The following FRAS1 variants were observed in gnomAD, a reference collection of about 807,000 sequenced individuals.
FRAS1 encodes Fraser extracellular matrix complex subunit 1.
Under a neutral mutation model 435.2 loss-of-function variants are expected in FRAS1, and 290 were observed. The ratio of observed to expected loss-of-function variants is 0.67; its 90% CI spans 0.61 to 0.73. FRAS1 has a LOEUF of 0.73. Ranked by LOEUF, FRAS1 falls within the 30% of genes least tolerant of loss-of-function variation. FRAS1 has a pLI of 0.00. For missense variants in FRAS1, 4,860 were observed against 5,001.5 expected (o/e 0.97, Z 0.85); for synonymous variants, 1,800 against 1,851.0 (o/e 0.97, Z 0.71).
chr4:78,095,701 TA>T (rs1201137867), intron 2 of FRAS1, among the ~76,000 whole-genome samples: 5 of 152,236 alleles, frequency 3.3e-5, no homozygotes, highest in Non-Finnish European at 7.3e-5. Context: ...CTCCCGTTTA[TA>T]AAACCCTCAG....
intron 33 of FRAS1, 48 bp downstream of exon 33, chr4:78,419,111 G>GT: frequency 9.3e-6 from 10 of 1,078,134 alleles, no homozygotes; most frequent in East Asian, 2.7e-5. Context: ...TTATCTTCTA[G>GT]TTTTTTACCA....
At chr4:78,507,675 A>G in intron 62 of FRAS1, 67 bp downstream of exon 62, 4 of 1,429,252 alleles carry the variant, frequency 2.8e-6, no homozygotes, top group Non-Finnish European at 3.8e-6. Context: ...AACTGAAGGG[A>G]AGTACTCTAT....
At chr4:78,469,785 T>G (rs1053364983) in intron 50 of FRAS1, among the ~76,000 whole-genome samples, 193 bp from the exon 51 acceptor site, 1 of 152,202 alleles carries the variant, frequency 6.6e-6, no homozygotes, top group African/African-American at 2.4e-5. Flanking sequence ...TCCTACATTG[T>G]TCTCACTCTA....
At chr4:78,532,896 T>C (rs926255990) in intron 70 of FRAS1, among the ~76,000 whole-genome samples, 8 of 152,196 alleles carry the variant, frequency 5.3e-5, no homozygotes, top group Admixed American at 5.2e-4. Flanking sequence ...TGATGGACAC[T>C]GGTTGTTTAC....
intron 2 of FRAS1, among the ~76,000 whole-genome samples, chr4:78,130,591 A>G (rs1025027955): frequency 1.1e-4 from 16 of 152,216 alleles, no homozygotes; most frequent in African/African-American, 3.6e-4. Context: ...GTTCAACTTA[A>G]TATTCAATTA....
Position 78,337,871 on chromosome 4 carries a change from C to T in FRAS1, c.2422+54C>T, listed in dbSNP as rs1730239174. On this transcript the variant is annotated intron_variant, in intron 20 of 73. Transcript: ENST00000512123. ...AAATCACTGGGCAGCTGCCGGGGCTCTTCATACCAGGCTTAAGGGGGCTCT... is the reference window on the plus strand; with the variant it reads ...AAATCACTGGGCAGCTGCCGGGGCTTTTCATACCAGGCTTAAGGGGGCTCT... 3.1e-6 allele frequency: 5 copies of T among 1,593,866 alleles called. No individual in the cohort carries two copies. The East Asian group carries it at 1.1e-4, about 36-fold the overall frequency.
chr4:78,295,841 G>T (rs1297800300), intron 14 of FRAS1, among the ~76,000 whole-genome samples: 1 of 151,498 alleles, frequency 6.6e-6, no homozygotes, highest in Non-Finnish European at 1.5e-5. Flanking sequence ...GCCTGCCCAG[G>T]TTCGAACGAT....
Position 78,113,868 on chromosome 4 carries a change from A to G in FRAS1, c.108+47852A>G, listed in dbSNP as rs749561169. On this transcript the variant is annotated intron_variant, in intron 2 of 73. Transcript: ENST00000512123. ...TTTGTCAATTTTGGCTTTTGTTGCCATTGCTTTTGGTGTATTAGACATGAA... is the reference window on the plus strand; with the variant it reads ...TTTGTCAATTTTGGCTTTTGTTGCCGTTGCTTTTGGTGTATTAGACATGAA... Among the ~76,000 whole-genome samples the G allele has an allele frequency of 1.2e-4, 18 of 152,266 alleles. No individual in the cohort carries two copies. In the East Asian group the frequency reaches 2.9e-3, roughly 25 times the overall value.
At chr4:78,159,692 C>A (rs1721053486) in intron 2 of FRAS1, among the ~76,000 whole-genome samples, 1 of 152,060 alleles carries the variant, frequency 6.6e-6, no homozygotes, top group Admixed American at 6.6e-5. Flanking sequence ...ACCAGCCTGG[C>A]CAACATGGTG....
chr4:78,293,766 A>T (rs385693), intron 14 of FRAS1, among the ~76,000 whole-genome samples: 102,425 of 152,094 alleles, frequency 0.67, 34,884 homozygotes, highest in African/African-American at 0.7. Flanking sequence ...ATATGCAGAA[A>T]AAATGGAGAG....
chr4:78,386,574 G>A (rs1317242553), intron 28 of FRAS1, among the ~76,000 whole-genome samples: 1 of 152,172 alleles, frequency 6.6e-6, no homozygotes, highest in Non-Finnish European at 1.5e-5. Context: ...AAAGAAAGCA[G>A]TGTGTTGAGA....
At chr4:78,239,055 C>A (rs1000649320) in intron 3 of FRAS1, among the ~76,000 whole-genome samples, 2 of 152,154 alleles carry the variant, frequency 1.3e-5, no homozygotes, top group African/African-American at 4.8e-5. Context: ...TATGTATAGA[C>A]CTTGGCTGCA....
intron 2 of FRAS1, among the ~76,000 whole-genome samples, chr4:78,088,508 A>G (rs1313486453): frequency 2.6e-5 from 4 of 152,126 alleles, no homozygotes; most frequent in Non-Finnish European, 5.9e-5. Context: ...AGAACGGGAG[A>G]AAATTTTTGC....
At chr4:78,150,047 C>G (rs1720579994) in intron 2 of FRAS1, among the ~76,000 whole-genome samples, 1 of 152,166 alleles carries the variant, frequency 6.6e-6, no homozygotes, top group African/African-American at 2.4e-5. Context: ...AATCAAGATA[C>G]TGCACTGTCA....
chr4:78,289,323 A>G (rs1727771811), intron 14 of FRAS1, among the ~76,000 whole-genome samples: 1 of 151,738 alleles, frequency 6.6e-6, no homozygotes, highest in African/African-American at 2.4e-5. Flanking sequence ...TGTTAATACT[A>G]TTGTTACATA....
chr4:78,519,228 T>G (rs552731131), intron 66 of FRAS1, 103 bp from the exon 67 acceptor site: 1 of 943,444 alleles, frequency 1.1e-6, no homozygotes, highest in South Asian at 2.5e-5. Context: ...TGAATAAGTG[T>G]GTGACTACAT....
rs1578358520 is a variant in FRAS1 at position 78,496,966 on chromosome 4, CA to C, written c.9115+6del. 6.2e-7 allele frequency: 1 copy of C among 1,608,718 alleles called. No homozygotes were observed. The highest frequency in any genetic ancestry group is 8.5e-7 in the Non-Finnish European group (1 of 1,176,078). On this transcript the variant is annotated splice_donor_region_variant and intron_variant, in intron 60 of 73. Transcript: ENST00000512123. ...CCATATCCAATGATGAAGATGGTAACAGAAGAAATTATCTTTAGTTACTCTT... is the reference window on the plus strand; with the variant it reads ...CCATATCCAATGATGAAGATGGTAACGAAGAAATTATCTTTAGTTACTCTT...
At chr4:78,085,705 A>G (rs551928567) in intron 2 of FRAS1, among the ~76,000 whole-genome samples, 40 of 152,320 alleles carry the variant, frequency 2.6e-4, no homozygotes, top group Admixed American at 2.3e-3. Flanking sequence ...TAAAGGGATC[A>G]ATTCAACAAG....
chr4:78,065,768 T>C (rs544827157), intron 1 of FRAS1, among the ~76,000 whole-genome samples: 2 of 152,332 alleles, frequency 1.3e-5, no homozygotes, highest in South Asian at 4.1e-4. Context: ...TCATAAGTTT[T>C]AATGATGCTT....
Sources: gnomAD v4.1 joint callset for allele counts (sites outside exome capture counted in the v4.1 genomes callset) on GRCh38, gnomAD v4.1.1 for gene constraint, MANE v1.5 for transcripts, NCBI Gene and HGNC (gene_info 2026-07-23, HGNC 2026-07-21) for gene names.